KDM4B: variants seen among roughly 807,000 people sequenced by gnomAD.
KDM4B encodes lysine demethylase 4B.
KDM4B carries 32 observed loss-of-function variants against 125.2 expected under a neutral mutation model. That is an observed-to-expected ratio of 0.26 (90% CI 0.19 to 0.34). The LOEUF is 0.34. Among genes scored for constraint, KDM4B ranks in the 10% least tolerant of loss-of-function variants. The pLI is 1.00. For synonymous variants in KDM4B, 721 were observed against 677.9 expected (o/e 1.06, Z -0.99); for missense variants, 1,190 against 1,577.7 (o/e 0.75, Z 4.16).
At chr19:4,988,340 ATCTAGGC>A (rs1416896160) in intron 1 of KDM4B, among the ~76,000 whole-genome samples, 2 of 151,666 alleles carry the variant, frequency 1.3e-5, no homozygotes, top group African/African-American at 4.9e-5. Context: ...CAGTGGTGCG[ATCTAGGC>A]TCACTGCAAG....
chr19:5,025,400 G>C lies in KDM4B; in HGVS notation c.-25-7466G>C, dbSNP rs1178136217. On this transcript the variant is annotated intron_variant, in intron 2 of 22. Transcript: ENST00000159111. ...AAAACCATGGAGAGTCTTCAGGTGG[G>C]GCCAGCCGGGCCTTAAACTGTGTAT... Among the ~76,000 whole-genome samples, 3 of 152,234 alleles carry C rather than the reference G, an allele frequency of 2.0e-5. No homozygotes were observed. The East Asian group carries it at 5.8e-4, about 29-fold the overall frequency.
chr19:5,106,947 A>G (rs1477148613), intron 9 of KDM4B, among the ~76,000 whole-genome samples: 1 of 152,216 alleles, frequency 6.6e-6, no homozygotes, highest in Non-Finnish European at 1.5e-5. Context: ...AGGCAGGGCA[A>G]TCCAGGGCCG....
intron 9 of KDM4B, among the ~76,000 whole-genome samples, chr19:5,099,292 A>G (rs2038886483): frequency 6.6e-6 from 1 of 152,222 alleles, no homozygotes; most frequent in African/African-American, 2.4e-5. Context: ...AGGATTTACA[A>G]CGAGAAGCCA....
At chr19:5,031,259 G>A (rs552541481) in intron 2 of KDM4B, among the ~76,000 whole-genome samples, 2 of 152,374 alleles carry the variant, frequency 1.3e-5, no homozygotes, top group African/African-American at 2.4e-5. Flanking sequence ...CGCTGGGACA[G>A]TGTGGTGGCC....
At chr19:4,983,564 C>T (rs1364067119) in intron 1 of KDM4B, among the ~76,000 whole-genome samples, 1 of 152,208 alleles carries the variant, frequency 6.6e-6, no homozygotes, top group African/African-American at 2.4e-5. Flanking sequence ...GCCAAGGGGT[C>T]CTGGCGGCCC....
At chr19:5,120,711 T>C (rs953633910) in intron 11 of KDM4B, among the ~76,000 whole-genome samples, 7 of 152,058 alleles carry the variant, frequency 4.6e-5, no homozygotes, top group Non-Finnish European at 7.4e-5. Context: ...GAGCTTTAGC[T>C]GCTTGGGAGT....
At chr19:5,084,457 TTA>T (rs1568285553) in intron 9 of KDM4B, among the ~76,000 whole-genome samples, 1 of 139,888 alleles carries the variant, frequency 7.1e-6, no homozygotes, top group Non-Finnish European at 1.5e-5. Flanking sequence ...TTATAATAAT[TTA>T]TATATTATAT....
Position 5,134,074 on chromosome 19 carries a change from G to T in KDM4B, c.2085+13G>T. ...CCCCTACTGCCAGGTGGGCAGGCGG[G>T]CCTCACGGGTCCCAGAGAACCCCAG... On this transcript the variant is annotated intron_variant, in intron 14 of 22. Coordinates refer to ENST00000159111, the MANE Select transcript of KDM4B (RefSeq NM_015015.3). The T allele has an allele frequency of 6.3e-7, 1 of 1,576,092 alleles. No homozygotes were observed. The highest frequency in any genetic ancestry group is 8.6e-7 in the Non-Finnish European group (1 of 1,159,760).
intron 1 of KDM4B, among the ~76,000 whole-genome samples, chr19:4,986,703 A>G (rs965497958): frequency 2.0e-5 from 3 of 152,226 alleles, no homozygotes; most frequent in Admixed American, 6.5e-5. Context: ...GGTGACATTC[A>G]GTCAGAGACC....
intron 9 of KDM4B, among the ~76,000 whole-genome samples, chr19:5,086,661 C>T (rs2038509857): frequency 6.6e-6 from 1 of 152,364 alleles, no homozygotes; most frequent in South Asian, 2.1e-4. Context: ...CCCCAGCCCC[C>T]AGGGCCTCTG....
chr19:5,105,164 A>G (rs1469376341), intron 9 of KDM4B, among the ~76,000 whole-genome samples: 1 of 152,164 alleles, frequency 6.6e-6, no homozygotes, highest in Non-Finnish European at 1.5e-5. Flanking sequence ...CAGGACCCAG[A>G]GCGGGGCAGA....
chr19:4,979,332 C>T (rs942504832), intron 1 of KDM4B, among the ~76,000 whole-genome samples: 17 of 152,216 alleles, frequency 1.1e-4, no homozygotes, highest in African/African-American at 2.4e-4. Context: ...CAGTGCAGTG[C>T]GCCGGGAGGC....
chr19:5,095,229 A>T (rs1191353663), intron 9 of KDM4B, among the ~76,000 whole-genome samples: 1 of 152,160 alleles, frequency 6.6e-6, no homozygotes, highest in African/African-American at 2.4e-5. Context: ...TTCCTGGATC[A>T]GGGGGCTGGG....
At chr19:4,980,982 T>A (rs2034620433) in intron 1 of KDM4B, among the ~76,000 whole-genome samples, 1 of 152,078 alleles carries the variant, frequency 6.6e-6, no homozygotes, top group Non-Finnish European at 1.5e-5. Context: ...GATGCTGGGC[T>A]GCGGCTAGGC....
At chr19:5,093,591 C>G (rs973553367) in intron 9 of KDM4B, among the ~76,000 whole-genome samples, 1 of 152,236 alleles carries the variant, frequency 6.6e-6, no homozygotes, top group Admixed American at 6.5e-5. Context: ...CCTTCCCACG[C>G]GTTCTGTGAG....
chr19:5,100,332 C>T (rs143960559), intron 9 of KDM4B, among the ~76,000 whole-genome samples: 13 of 152,358 alleles, frequency 8.5e-5, no homozygotes, highest in East Asian at 5.8e-4. Context: ...TCCCATCACT[C>T]GCTATTGGGC....
intron 9 of KDM4B, among the ~76,000 whole-genome samples, chr19:5,091,004 G>A (rs2038689992): frequency 6.6e-6 from 1 of 152,158 alleles, no homozygotes; most frequent in African/African-American, 2.4e-5. Context: ...CAGCAGGCAG[G>A]CTTTGTAGTG....
intron 1 of KDM4B, among the ~76,000 whole-genome samples, chr19:4,975,818 C>G (rs1320358848): frequency 2.6e-5 from 4 of 151,518 alleles, no homozygotes; most frequent in African/African-American, 9.7e-5. Flanking sequence ...GTCTCCAACT[C>G]CTGACCTCAG....
At chr19:5,113,758 C>T (rs970487319) in intron 10 of KDM4B, 2 of 352,370 alleles carry the variant, frequency 5.7e-6, no homozygotes, top group Non-Finnish European at 8.0e-6. Context: ...ATCGCCCAGT[C>T]CCCCGCGTGG....
Sources: gnomAD v4.1 joint callset for allele counts (sites outside exome capture counted in the v4.1 genomes callset) on GRCh38, gnomAD v4.1.1 for gene constraint, MANE v1.5 for transcripts, NCBI Gene and HGNC (gene_info 2026-07-23, HGNC 2026-07-21) for gene names.